Variants in GLIS3 observed in about 807,000 individuals in gnomAD.
The protein encoded by GLIS3 is GLIS family zinc finger 3, also known as zinc finger protein GLIS3.
GLIS3 carries 53 observed loss-of-function variants against 78.6 expected under a neutral mutation model. That is an observed-to-expected ratio of 0.67 (90% CI 0.54 to 0.85). The LOEUF is 0.85. Among genes scored for constraint, GLIS3 ranks in the 40% least tolerant of loss-of-function variants. The pLI is 0.00. For synonymous variants in GLIS3, 684 were observed against 509.9 expected (o/e 1.34, Z -4.60); for missense variants, 1,703 against 1,231.1 (o/e 1.38, Z -5.74).
At chr9:4,000,425 C>T (rs926202158) in intron 4 of GLIS3, among the ~76,000 whole-genome samples, 2 of 152,108 alleles carry the variant, frequency 1.3e-5, no homozygotes, top group Admixed American at 6.6e-5. Flanking sequence ...GAGATTCTAA[C>T]AGATCAAGAA....
chr9:3,906,609 G>A (rs1474972468), intron 6 of GLIS3, among the ~76,000 whole-genome samples: 1 of 152,128 alleles, frequency 6.6e-6, no homozygotes. Context: ...TGCACACAGA[G>A]GGTGGGTTCA....
chr9:3,997,390 A>G (rs1820822605), intron 4 of GLIS3, among the ~76,000 whole-genome samples: 1 of 152,006 alleles, frequency 6.6e-6, no homozygotes. Flanking sequence ...ATAAAATAAA[A>G]TAAAATAAAA....
chr9:4,265,977 G>A (rs985106650), intron 2 of GLIS3, among the ~76,000 whole-genome samples: 1 of 151,308 alleles, frequency 6.6e-6, no homozygotes, highest in African/African-American at 2.4e-5. Flanking sequence ...GGAGTGCAGT[G>A]ACATGATCTC....
At chr9:4,232,896 T>C (rs1213875026) in intron 2 of GLIS3, among the ~76,000 whole-genome samples, 1 of 152,214 alleles carries the variant, frequency 6.6e-6, no homozygotes, top group Non-Finnish European at 1.5e-5. Flanking sequence ...AAGAGCAGAC[T>C]GTTAATCTTA....
the GLIS3 span, among the ~76,000 whole-genome samples, chr9:4,405,329 G>C: frequency 6.6e-6 from 1 of 151,088 alleles, no homozygotes; most frequent in Non-Finnish European, 1.5e-5. Flanking sequence ...ACTCCAGCCT[G>C]GGCAGTAAGA....
intron 2 of GLIS3, among the ~76,000 whole-genome samples, chr9:4,129,252 T>C (rs1424742172): frequency 6.6e-6 from 1 of 152,188 alleles, no homozygotes; most frequent in African/African-American, 2.4e-5. Context: ...ATCTGCTATT[T>C]GGGGACTTAC....
intron 2 of GLIS3, among the ~76,000 whole-genome samples, chr9:4,214,517 C>A (rs892271865): frequency 1.6e-4 from 25 of 152,300 alleles, no homozygotes; most frequent in African/African-American, 5.8e-4. Flanking sequence ...AGATAGAAAC[C>A]TTTTGGTGTC....
chr9:4,473,738 G>A, the GLIS3 span, among the ~76,000 whole-genome samples: 1 of 151,810 alleles, frequency 6.6e-6, no homozygotes, highest in East Asian at 1.9e-4. Context: ...TGTGACATGA[G>A]TTTACCTACA....
intron 4 of GLIS3, among the ~76,000 whole-genome samples, chr9:4,016,260 T>A (rs1359784307): frequency 6.6e-6 from 1 of 152,176 alleles, no homozygotes; most frequent in African/African-American, 2.4e-5. Flanking sequence ...CTTGGACATC[T>A]GAAGCTCTAT....
intron 9 of GLIS3, among the ~76,000 whole-genome samples, chr9:3,844,012 G>A (rs1182402421): frequency 1.3e-5 from 2 of 152,140 alleles, no homozygotes; most frequent in Non-Finnish European, 2.9e-5. Flanking sequence ...GAACAATCTG[G>A]TTAGAGAGGG....
the GLIS3 span, among the ~76,000 whole-genome samples, chr9:4,376,864 A>G: frequency 5.2e-5 from 7 of 135,196 alleles, no homozygotes; most frequent in Admixed American, 3.7e-4. Context: ...TGACTTTGCA[A>G]TATGCATCAG....
intron 6 of GLIS3, among the ~76,000 whole-genome samples, chr9:3,911,154 C>T (rs1824123231): frequency 6.6e-6 from 1 of 151,926 alleles, no homozygotes; most frequent in Non-Finnish European, 1.5e-5. Flanking sequence ...TCCTTCCGCA[C>T]TATTTCTTGA....
At chr9:4,419,433 C>G in the GLIS3 span, among the ~76,000 whole-genome samples, 10 of 152,082 alleles carry the variant, frequency 6.6e-5, no homozygotes, top group Admixed American at 6.6e-5. Flanking sequence ...AAACCTACCA[C>G]GAAGGCGGAA....
intron 4 of GLIS3, among the ~76,000 whole-genome samples, chr9:3,944,017 G>T (rs1816116290): frequency 6.6e-6 from 1 of 152,086 alleles, no homozygotes; most frequent in Non-Finnish European, 1.5e-5. Context: ...TTTTGATGAA[G>T]AAATCTGTAT....
At chr9:4,208,061 G>A (rs1030767834) in intron 2 of GLIS3, among the ~76,000 whole-genome samples, 4 of 152,252 alleles carry the variant, frequency 2.6e-5, no homozygotes, top group East Asian at 3.9e-4. Flanking sequence ...TACCACTAAC[G>A]TCACATTAAC....
At chr9:3,889,328 T>A (rs1822274565) in intron 7 of GLIS3, among the ~76,000 whole-genome samples, 1 of 152,160 alleles carries the variant, frequency 6.6e-6, no homozygotes, top group African/African-American at 2.4e-5. Context: ...GGGCCACTAC[T>A]TTTGGGGTTC....
At chr9:4,066,037 T>TAAAAAAAAAAAAAAAAAA (rs375649097) in intron 4 of GLIS3, among the ~76,000 whole-genome samples, 3 of 95,778 alleles carry the variant, frequency 3.1e-5, no homozygotes, top group Non-Finnish European at 4.3e-5. Context: ...ACCCAAAGAA[T>TAAAAAAAAAAAAAAAAAA]ATAAAAAAAA....
chr9:4,082,762 T>C (rs1056462592), intron 4 of GLIS3, among the ~76,000 whole-genome samples: 20 of 152,352 alleles, frequency 1.3e-4, no homozygotes, highest in South Asian at 4.1e-4. Flanking sequence ...CTCCACTCTT[T>C]ACTTGCATAT....
rs7021101 is a variant in GLIS3 at position 4,176,045 on chromosome 9, T to C, written c.389-50104A>G. Among the ~76,000 whole-genome samples the C allele has an allele frequency of 3.3e-3, 508 of 152,306 alleles. 3 individuals carry two copies. The highest frequency in any genetic ancestry group is 0.011 in the African/African-American group (461 of 41,570). The stretch of plus-strand genomic sequence containing the variant: ...CCCTGCACACAGAGAACTGCAAGTG[T>C]GCCAAATGACACATGAAAATCTCTT... On this transcript the variant is annotated intron_variant, in intron 2 of 10. Transcript: ENST00000381971.
Sources: gnomAD v4.1 joint callset for allele counts (sites outside exome capture counted in the v4.1 genomes callset) on GRCh38, gnomAD v4.1.1 for gene constraint, MANE v1.5 for transcripts, NCBI Gene and HGNC (gene_info 2026-07-23, HGNC 2026-07-21) for gene names.